The following ARSB variants were observed in gnomAD, a reference collection of about 807,000 sequenced individuals.
ARSB encodes N-acetylgalactosamine-4-sulfatase.
Under a neutral mutation model 50.9 loss-of-function variants are expected in ARSB, and 41 were observed. That is an observed-to-expected ratio of 0.81 (90% CI 0.63 to 1.04). The LOEUF is 1.04. ARSB is among the 50% of genes least tolerant of loss of function. ARSB has a pLI of 0.00. For missense variants in ARSB, 672 were observed against 693.3 expected (o/e 0.97, Z 0.35); for synonymous variants, 269 against 284.8 (o/e 0.94, Z 0.56).
chr5:78,911,887 C>A (rs1205735299), intron 4 of ARSB, among the ~76,000 whole-genome samples: 4 of 152,166 alleles, frequency 2.6e-5, no homozygotes, highest in African/African-American at 9.7e-5. Flanking sequence ...TATTAAACCT[C>A]TTTTCCTGAA....
At chr5:78,873,749 C>T (rs1172525341) in intron 5 of ARSB, among the ~76,000 whole-genome samples, 1 of 151,920 alleles carries the variant, frequency 6.6e-6, no homozygotes, top group Non-Finnish European at 1.5e-5. Flanking sequence ...CCCGCCTCGG[C>T]CTCCCAAAGT....
chr5:78,825,901 C>T (rs1321859777), intron 6 of ARSB, among the ~76,000 whole-genome samples: 3 of 152,114 alleles, frequency 2.0e-5, no homozygotes, highest in Non-Finnish European at 4.4e-5. Flanking sequence ...TTAAACTTGC[C>T]ATCAATTAAG....
At chr5:78,849,320 G>T (rs1203225271) in intron 5 of ARSB, among the ~76,000 whole-genome samples, 1 of 152,072 alleles carries the variant, frequency 6.6e-6, no homozygotes, top group East Asian at 1.9e-4. Flanking sequence ...TATTAAATGG[G>T]GAATCCTTTC....
Position 78,778,591 on chromosome 5 carries a change from C to T in ARSB, c.*1806G>A, listed in dbSNP as rs942299086. 6.6e-6 allele frequency: 1 copy of T among 152,220 alleles called. No homozygotes were observed. The allele number at this position is 152,220 out of a possible 1,614,324, so 9.4% of individuals were successfully genotyped here. ...CCCAGTGATGTAGATTATGCTCCTA[C>T]CCCAGGAGGGGCAGCTTGAGAACAG... is the stretch of plus-strand genomic sequence containing the variant. On this transcript the variant is annotated 3_prime_UTR_variant, in exon 8 of 8. Coordinates refer to ENST00000264914, the MANE Select transcript of ARSB (RefSeq NM_000046.5).
At chr5:78,912,052 A>C (rs1207931560) in intron 4 of ARSB, among the ~76,000 whole-genome samples, 1 of 152,214 alleles carries the variant, frequency 6.6e-6, no homozygotes, top group Non-Finnish European at 1.5e-5. Flanking sequence ...CAGTGTTTTC[A>C]ATCAAAATAT....
chr5:78,885,896 T>C (rs1241037864), intron 4 of ARSB, 69 bp from the exon 5 acceptor site: 12 of 1,609,930 alleles, frequency 7.5e-6, no homozygotes, highest in Non-Finnish European at 1.0e-5. Context: ...ACAGAGACTG[T>C]ATGTACATTG....
intron 6 of ARSB, among the ~76,000 whole-genome samples, chr5:78,834,252 T>C (rs546972136): frequency 2.2e-4 from 33 of 152,250 alleles, no homozygotes; most frequent in African/African-American, 7.5e-4. Context: ...TTTATATTTT[T>C]AAATTGTGGT....
chr5:78,985,405 G>A (rs941574604), upstream of ARSB: 20 of 659,382 alleles, frequency 3.0e-5, no homozygotes, highest in East Asian at 8.3e-4. Flanking sequence ...GGCCCCCGCC[G>A]CCTCCGACCC....
chr5:78,933,951 T>C (rs1360186115), intron 4 of ARSB, among the ~76,000 whole-genome samples: 2 of 152,046 alleles, frequency 1.3e-5, no homozygotes, highest in Non-Finnish European at 2.9e-5. Context: ...ATTCAAAACA[T>C]GAGGAGGACT....
intron 5 of ARSB, among the ~76,000 whole-genome samples, chr5:78,844,208 AT>A (rs892797060): frequency 3.9e-5 from 6 of 152,308 alleles, no homozygotes; most frequent in Admixed American, 1.3e-4. Context: ...GACAACACTT[AT>A]TAATGTGTCT....
intron 3 of ARSB, among the ~76,000 whole-genome samples, chr5:78,957,754 C>T (rs541311962): frequency 1.2e-3 from 176 of 152,068 alleles, no homozygotes; most frequent in Non-Finnish European, 1.6e-3. Context: ...GATGCCCTGC[C>T]TGGGGGTGAT....
At chr5:78,791,152 T>C (rs764314764) in intron 6 of ARSB, among the ~76,000 whole-genome samples, 41 of 152,344 alleles carry the variant, frequency 2.7e-4, no homozygotes, top group Middle Eastern at 3.4e-3. Flanking sequence ...TTACTTACAG[T>C]AAAACTTACT....
intron 3 of ARSB, among the ~76,000 whole-genome samples, chr5:78,962,861 G>A (rs1752051686): frequency 6.6e-6 from 1 of 152,274 alleles, no homozygotes; most frequent in Non-Finnish European, 1.5e-5. Flanking sequence ...CAGCAATCTG[G>A]CATTTAACTC....
At chr5:78,789,901 T>A (rs1457639014) in intron 6 of ARSB, among the ~76,000 whole-genome samples, 2 of 152,160 alleles carry the variant, frequency 1.3e-5, no homozygotes, top group African/African-American at 4.8e-5. Flanking sequence ...CAGACAGAGC[T>A]TCCCCAAGAC....
At chr5:78,982,392 C>A (rs1752943704) in intron 1 of ARSB, among the ~76,000 whole-genome samples, 2 of 152,186 alleles carry the variant, frequency 1.3e-5, no homozygotes, top group South Asian at 4.1e-4. Flanking sequence ...TGGGTTGATT[C>A]TTTACCTTGA....
At chr5:78,931,359 C>T (rs569315917) in intron 4 of ARSB, among the ~76,000 whole-genome samples, 9 of 152,144 alleles carry the variant, frequency 5.9e-5, no homozygotes, top group Non-Finnish European at 1.2e-4. Context: ...TACTGGTGCC[C>T]CCTTTGAAAC....
intron 5 of ARSB, among the ~76,000 whole-genome samples, chr5:78,847,216 C>T (rs1355980966): frequency 6.6e-6 from 1 of 152,122 alleles, no homozygotes; most frequent in East Asian, 1.9e-4. Flanking sequence ...CAGTCTCAAT[C>T]TCCCAGACTC....
chr5:78,809,160 G>A (rs560836318), intron 6 of ARSB, among the ~76,000 whole-genome samples: 2 of 152,280 alleles, frequency 1.3e-5, no homozygotes, highest in South Asian at 4.1e-4. Context: ...TATCATAATG[G>A]GCTAGAGCTA....
chr5:78,909,416 G>C (rs1488378210), intron 4 of ARSB, among the ~76,000 whole-genome samples: 2 of 152,074 alleles, frequency 1.3e-5, no homozygotes, highest in African/African-American at 4.8e-5. Flanking sequence ...ATGTAGAAAG[G>C]GAAAGACATA....
Sources: gnomAD v4.1 joint callset for allele counts (sites outside exome capture counted in the v4.1 genomes callset) on GRCh38, gnomAD v4.1.1 for gene constraint, MANE v1.5 for transcripts, NCBI Gene and HGNC (gene_info 2026-07-23, HGNC 2026-07-21) for gene names.